The following CNKSR2 variants were observed in gnomAD, a reference collection of about 807,000 sequenced individuals.
The protein encoded by CNKSR2 is connector enhancer of kinase suppressor of Ras 2, also known as CNK homolog protein 2.
Under a neutral mutation model 84.4 loss-of-function variants are expected in CNKSR2, and 14 were observed. The ratio of observed to expected loss-of-function variants is 0.17; its 90% CI spans 0.11 to 0.26. CNKSR2 has a LOEUF of 0.26. CNKSR2 is among the 10% of genes least tolerant of loss of function. CNKSR2 has a pLI of 1.00. For synonymous variants in CNKSR2, 275 were observed against 277.9 expected (o/e 0.99, Z 0.10); for missense variants, 485 against 771.2 (o/e 0.63, Z 4.40).
intron 10 of CNKSR2, among the ~76,000 whole-genome samples, chrX:21,528,493 C>T (rs1171902001): frequency 9.0e-6 from 1 of 110,829 alleles, no homozygotes; most frequent in Non-Finnish European, 1.9e-5. Flanking sequence ...AAAGTGTCTC[C>T]TCTACAGAAA....
intron 9 of CNKSR2, among the ~76,000 whole-genome samples, chrX:21,519,136 A>G (rs2091757575): frequency 9.0e-6 from 1 of 111,543 alleles, no homozygotes; most frequent in Non-Finnish European, 1.9e-5. Context: ...CCGCACCACT[A>G]CCGAATCTCC....
In CNKSR2 at chrX:21,374,630, A is replaced by AGCCGCCGCAGCAGCC; in HGVS notation, c.-260_-259insAGCAGCCGCCGCCGC. 1 of 448,647 alleles carries AGCCGCCGCAGCAGCC rather than the reference A, an allele frequency of 2.2e-6. No homozygotes were observed. Among genetic ancestry groups the AGCCGCCGCAGCAGCC allele is most frequent in the Non-Finnish European group, 3.9e-6 (1 of 256,327 alleles). 37.0% of individuals were successfully genotyped at this position (448,647 alleles called of 1,213,427 possible). A position where few individuals can be genotyped will look rare whatever the true frequency, so the allele number is the denominator to read the frequency against. On this transcript the variant is annotated 5_prime_UTR_variant, in exon 1 of 22. Coordinates refer to ENST00000379510, the MANE Select transcript of CNKSR2 (RefSeq NM_014927.5). ...CAGCAGCAGCAGCAGCAGCAGCAGC[A>AGCCGCCGCAGCAGCC]GCCGCCGCCGCCGCCGCCTTAGCGG...
At chrX:21,563,163 A>C in intron 12 of CNKSR2, 75 bp from the exon 13 acceptor site, 3 of 833,292 alleles carry the variant, frequency 3.6e-6, no homozygotes, top group Non-Finnish European at 5.0e-6. Flanking sequence ...CCAACCTAAT[A>C]GCACAATTGA....
chrX:21,646,302 C>A (rs916725564), intron 20 of CNKSR2, among the ~76,000 whole-genome samples: 7 of 111,880 alleles, frequency 6.3e-5, no homozygotes, highest in Non-Finnish European at 1.1e-4. Flanking sequence ...AAACCAGATT[C>A]TTTGTAGAAT....
At chrX:21,551,432 G>A (rs1346966333) in intron 11 of CNKSR2, among the ~76,000 whole-genome samples, 4 of 112,187 alleles carry the variant, frequency 3.6e-5, no homozygotes, top group African/African-American at 1.3e-4. Flanking sequence ...TAAAATAGAA[G>A]TATTAGCAAA....
chrX:21,465,007 ACTT>A lies in CNKSR2; in HGVS notation c.520-5755_520-5753del, dbSNP rs1045256219. 8.9e-5 allele frequency among the ~76,000 whole-genome samples: 10 copies of A among 111,984 alleles called. No homozygotes were observed. In the Admixed American group the frequency reaches 9.5e-4, roughly 11 times the overall value. The stretch of plus-strand genomic sequence containing the variant: ...AAATTTTAACCAAATCAGTCTGCTT[ACTT>A]CTTATTGACTGTGCATTTGTTCAGT... On this transcript the variant is annotated intron_variant, in intron 4 of 21. Transcript: ENST00000379510.
At chrX:21,536,196 T>A (rs1211857596) in intron 11 of CNKSR2, among the ~76,000 whole-genome samples, 2 of 111,780 alleles carry the variant, frequency 1.8e-5, no homozygotes, top group African/African-American at 6.5e-5. Context: ...TCCTTGCATC[T>A]CTGGGTTAAA....
At chrX:21,651,913 C>T (rs1185869219) in intron 21 of CNKSR2, among the ~76,000 whole-genome samples, 3 of 112,144 alleles carry the variant, frequency 2.7e-5, no homozygotes, top group African/African-American at 9.7e-5. Flanking sequence ...GCAAAAGTAA[C>T]TCAAGAAATA....
chrX:21,378,735 A>G (rs1441970089), intron 1 of CNKSR2, among the ~76,000 whole-genome samples: 1 of 111,087 alleles, frequency 9.0e-6, no homozygotes, highest in Non-Finnish European at 1.9e-5. Context: ...TCAGCTCCCT[A>G]CATTACATTC....
chrX:21,473,471 T>C (rs2091222470), intron 5 of CNKSR2, among the ~76,000 whole-genome samples: 1 of 110,685 alleles, frequency 9.0e-6, no homozygotes, highest in Non-Finnish European at 1.9e-5. Context: ...TCTAGATCTC[T>C]ATAGTGTAGA....
chrX:21,473,142 G>A (rs894276617), intron 5 of CNKSR2, among the ~76,000 whole-genome samples: 1 of 111,226 alleles, frequency 9.0e-6, no homozygotes, highest in Non-Finnish European at 1.9e-5. Flanking sequence ...AATGAATGCC[G>A]TATATTTACC....
Position 21,526,926 on chromosome X carries a change from A to G in CNKSR2, c.1017A>G (p.Thr339=). ...SVATPSSTIS[T]PTKRDSSALQ... The stretch of plus-strand genomic sequence containing the variant: ...CCACGCCTTCCAGCACCATCAGTAC[A>G]CCCACCAAAAGAGACAGTTCTGCCC... The change falls in exon 10 of 22, where the codon ACA becomes ACG. Residue 339 remains threonine, a synonymous_variant. Transcript: ENST00000379510. 8.3e-7 allele frequency: 1 copy of G among 1,203,432 alleles called. No homozygotes were observed. The highest frequency in any genetic ancestry group is 1.1e-6 in the Non-Finnish European group (1 of 889,024).
At chrX:21,492,699 G>T (rs1460238959) in intron 6 of CNKSR2, 1 of 111,481 alleles carries the variant, frequency 9.0e-6, no homozygotes, top group Non-Finnish European at 1.9e-5. Context: ...GGAAGGAAAA[G>T]AAAAACTCAA....
In CNKSR2 at chrX:21,444,712, T is replaced by C. The variant is rs1260101306; in HGVS notation, c.519+3931T>C. ...TTTCAAGGAGTGATGCTCTGCTTAC[T>C]TTTGGTATTGAGTGGCAATGAAGAA... On this transcript the variant is annotated intron_variant, in intron 4 of 21. Coordinates refer to ENST00000379510, the MANE Select transcript of CNKSR2 (RefSeq NM_014927.5). Among the ~76,000 whole-genome samples, 3 of 109,738 alleles carry C rather than the reference T, an allele frequency of 2.7e-5. No homozygotes were observed. The Admixed American group carries it at 2.9e-4, about 11-fold the overall frequency.
chrX:21,562,592 T>G (rs1019552608), intron 12 of CNKSR2, among the ~76,000 whole-genome samples: 9 of 111,624 alleles, frequency 8.1e-5, no homozygotes, highest in Admixed American at 1.9e-4. Flanking sequence ...TCTCATTTGT[T>G]CTATAGAATA....
At chrX:21,450,372 A>G (rs949464615) in intron 4 of CNKSR2, among the ~76,000 whole-genome samples, 1 of 111,655 alleles carries the variant, frequency 9.0e-6, no homozygotes, top group Non-Finnish European at 1.9e-5. Context: ...GTCATCATCA[A>G]TGATCTAAAA....
At chrX:21,495,759 G>A (rs2091488446) in intron 6 of CNKSR2, 1 of 80,848 alleles carries the variant, frequency 1.2e-5, no homozygotes, top group East Asian at 3.8e-4. Flanking sequence ...CTCCAGCCTG[G>A]GGGACGAAAG....
chrX:21,591,707 G>GT (rs2092421793), intron 15 of CNKSR2: 1 of 110,125 alleles, frequency 9.1e-6, no homozygotes, highest in African/African-American at 3.3e-5. Context: ...ACTTGGCCCA[G>GT]TGGGGGGGTA....
chrX:21,588,181 G>T (rs2092400075), intron 13 of CNKSR2, among the ~76,000 whole-genome samples: 1 of 112,097 alleles, frequency 8.9e-6, no homozygotes, highest in East Asian at 2.8e-4. Flanking sequence ...CTTCCAGAAG[G>T]CAAGTGAATA....
Sources: allele counts gnomAD v4.1 joint callset (sites outside exome capture counted in the v4.1 genomes callset), GRCh38; gene constraint gnomAD v4.1.1; transcripts MANE v1.5; gene names NCBI Gene and HGNC (gene_info 2026-07-23, HGNC 2026-07-21).